The following USH2A variants were observed in gnomAD, a reference collection of about 807,000 sequenced individuals.
USH2A encodes usherin.
In USH2A, 443 loss-of-function variants were observed where a neutral mutation model predicts 538.9. That is an observed-to-expected ratio of 0.82 (90% confidence interval 0.76 to 0.89). The LOEUF (loss-of-function observed/expected upper bound fraction) is 0.89, where lower values mean the gene tolerates loss of function less well. USH2A is among the 40% of genes least tolerant of loss of function. The pLI is 0.00. For synonymous variants in USH2A, 2,413 were observed against 2,273.5 expected, an observed-to-expected ratio of 1.06 and a Z score of -1.75; for missense variants, 6,633 against 6,324.8, an observed-to-expected ratio of 1.05 and a Z score of -1.65.
chr1:215,681,778 T>C lies in USH2A; in HGVS notation c.12067-1402A>G, dbSNP rs563746782. ...GTTATTTCTTGTTATGTGTTAAACA[T>C]AGGCAGAGAAAATACAATTTCCTTC... On this transcript the variant is annotated intron_variant, in intron 61 of 71. Coordinates refer to ENST00000307340, the MANE Select transcript of USH2A (RefSeq NM_206933.4). Among the ~76,000 whole-genome samples, 3 of 152,338 alleles carry C rather than the reference T, an allele frequency of 2.0e-5. No homozygotes were observed. In the East Asian group the frequency reaches 5.8e-4, roughly 29 times the overall value.
chr1:216,201,782 C>T (rs1166948531), intron 16 of USH2A: 1 of 232,318 alleles, frequency 4.3e-6, no homozygotes, highest in Non-Finnish European at 9.6e-6. Flanking sequence ...AGTTCTCTCT[C>T]TGGTGGCTGT....
chr1:215,698,210 C>G (rs897691271), intron 61 of USH2A, among the ~76,000 whole-genome samples: 47 of 152,260 alleles, frequency 3.1e-4, no homozygotes, highest in African/African-American at 1.1e-3. Context: ...ACCATATTTT[C>G]TTTATCCAGT....
At chr1:216,250,788 TCCAGC>T in intron 12 of USH2A, 110 bp downstream of exon 12, 1 of 1,123,502 alleles carries the variant, frequency 8.9e-7, no homozygotes, top group Non-Finnish European at 1.3e-6. Context: ...TGTTTTTTTT[TCCAGC>T]CTGTCTTGAG....
At chr1:216,110,131 C>T (rs897557079) in intron 21 of USH2A, among the ~76,000 whole-genome samples, 3 of 152,044 alleles carry the variant, frequency 2.0e-5, no homozygotes, top group Non-Finnish European at 2.9e-5. Flanking sequence ...TATTAATCCA[C>T]GGGTTTAGAA....
At chr1:216,101,486 G>T (rs1163766576) in intron 21 of USH2A, among the ~76,000 whole-genome samples, 1 of 152,176 alleles carries the variant, frequency 6.6e-6, no homozygotes, top group African/African-American at 2.4e-5. Context: ...GCGCAGGAGA[G>T]CAGAAATTTT....
intron 40 of USH2A, among the ~76,000 whole-genome samples, chr1:215,892,964 C>CT (rs1210443824): frequency 6.6e-6 from 1 of 152,104 alleles, no homozygotes; most frequent in Non-Finnish European, 1.5e-5. Flanking sequence ...GTTTCAACCT[C>CT]TAGAGCTGGG....
chr1:215,998,198 A>C (rs1410759712), intron 34 of USH2A, among the ~76,000 whole-genome samples: 1 of 152,132 alleles, frequency 6.6e-6, no homozygotes, highest in African/African-American at 2.4e-5. Context: ...GTTTATATTC[A>C]GTTATTTTCA....
At position 215,889,044 on chromosome 1, in the gene USH2A, A is replaced by T; in HGVS notation, c.7605T>A (p.Pro2535=). 1.9e-6 allele frequency: 3 copies of T among 1,613,776 alleles called. No individual in the cohort carries two copies. Among genetic ancestry groups the T allele is most frequent in the Non-Finnish European group, 2.5e-6 (3 of 1,180,006 alleles). The change falls in exon 41 of 72, where the codon CCT becomes CCA. Residue 2535 remains proline (P), a synonymous_variant. Transcript: ENST00000307340. ...PFMTAEDKPG[P]VVPPILLDVK... ...CATCCAGAAGAATCGGAGGAACTAC[A>T]GGTCCAGGTTCTGTAAAGTAAAATA...
intron 63 of USH2A, 26 bp from the exon 64 acceptor site, chr1:215,671,319 T>C (rs1339969024): frequency 6.2e-7 from 1 of 1,611,850 alleles, no homozygotes; most frequent in East Asian, 2.2e-5. Flanking sequence ...CAGAAATTAG[T>C]GATTTTCAGC....
chr1:215,949,394 T>A (rs188063457), intron 37 of USH2A, among the ~76,000 whole-genome samples: 1 of 151,792 alleles, frequency 6.6e-6, no homozygotes, highest in Non-Finnish European at 1.5e-5. Flanking sequence ...TTAAAAATAT[T>A]GCTGTCATTT....
intron 21 of USH2A, among the ~76,000 whole-genome samples, chr1:216,130,388 T>C (rs1211082663): frequency 6.6e-6 from 1 of 151,634 alleles, no homozygotes; most frequent in African/African-American, 2.4e-5. Context: ...TAGCTCCCAC[T>C]TTTGAGTGAG....
intron 32 of USH2A, among the ~76,000 whole-genome samples, chr1:216,010,992 C>T (rs539025917): frequency 6.6e-6 from 1 of 152,206 alleles, no homozygotes; most frequent in Admixed American, 6.5e-5. Context: ...TGCCAATATC[C>T]CACCTCACAG....
chr1:216,327,324 T>C (rs2037754510), intron 5 of USH2A, among the ~76,000 whole-genome samples: 1 of 152,170 alleles, frequency 6.6e-6, no homozygotes, highest in Non-Finnish European at 1.5e-5. Context: ...TCCCAAGTTT[T>C]ATAAAATGTT....
chr1:216,035,778 T>A (rs888708892), intron 32 of USH2A, among the ~76,000 whole-genome samples: 1 of 152,216 alleles, frequency 6.6e-6, no homozygotes, highest in Non-Finnish European at 1.5e-5. Context: ...TGAGTCTCAG[T>A]GTTTTTTCAA....
rs1406578236 is a variant in USH2A, at chr1:215,650,717, C to T, written c.14218G>A (p.Ala4740Thr). 4 of 1,613,952 alleles carry T rather than the reference C, an allele frequency of 2.5e-6. No individual in the cohort carries two copies. In the East Asian group the frequency reaches 8.9e-5, roughly 36 times the overall value. ...TGPAPPEGLR[A>T]PTFHVISSTQ... The stretch of plus-strand genomic sequence containing the variant: ...GAAGAGATCACATGGAACGTGGGGG[C>T]TCTGAGACCTTCTGGTGGGGCTGGC... The change falls in exon 65 of 72, where the codon GCC becomes ACC. Residue 4740 changes from alanine (A) to threonine (T), a missense_variant. Physicochemically the swap from Ala to Thr is moderately conservative, Grantham distance 58 (BLOSUM62 0). Coordinates refer to ENST00000307340, the MANE Select transcript of USH2A (RefSeq NM_206933.4).
chr1:215,802,572 T>C (rs1304430189), intron 49 of USH2A, among the ~76,000 whole-genome samples: 1 of 152,030 alleles, frequency 6.6e-6, no homozygotes, highest in African/African-American at 2.4e-5. Flanking sequence ...GAGATACCAC[T>C]TGATACTCAT....
At chr1:216,080,245 C>T (rs2031894439) in intron 26 of USH2A, among the ~76,000 whole-genome samples, 1 of 151,888 alleles carries the variant, frequency 6.6e-6, no homozygotes, top group African/African-American at 2.4e-5. Context: ...TCAGCAAGAC[C>T]AATGTTTTAA....
chr1:215,844,638 G>A, intron 45 of USH2A, 142 bp from the exon 46 acceptor site: 2 of 871,064 alleles, frequency 2.3e-6, no homozygotes, highest in South Asian at 2.9e-5. Context: ...ACAGTCTGTA[G>A]TCCTCTGTAA....
chr1:215,668,876 C>CA (rs540598903), intron 64 of USH2A, among the ~76,000 whole-genome samples: 292 of 152,190 alleles, frequency 1.9e-3, no homozygotes, highest in Middle Eastern at 6.8e-3. Context: ...ACTAAAAATA[C>CA]AAAAAAACAT....
Sources: gnomAD v4.1 joint callset for allele counts (sites outside exome capture counted in the v4.1 genomes callset) on GRCh38, gnomAD v4.1.1 for gene constraint, MANE v1.5 for transcripts, NCBI Gene and HGNC (gene_info 2026-07-23, HGNC 2026-07-21) for gene names.